The following SEMA6D variants were observed in gnomAD, a reference collection of about 807,000 sequenced individuals.
SEMA6D encodes semaphorin 6D, also known as semaphorin-6D.
Under a neutral mutation model 106.6 loss-of-function variants are expected in SEMA6D, and 35 were observed. The ratio of observed to expected loss-of-function variants is 0.33; its 90% CI spans 0.25 to 0.44. The LOEUF is 0.44. Among genes scored for constraint, SEMA6D ranks in the 20% least tolerant of loss-of-function variants. SEMA6D has a pLI of 1.00. For missense variants in SEMA6D, 1,185 were observed against 1,345.9 expected (o/e 0.88, Z 1.87); for synonymous variants, 499 against 487.7 (o/e 1.02, Z -0.31).
Position 47,461,910 on chromosome 15 carries a change from C to T in SEMA6D, c.-158-8564C>T, listed in dbSNP as rs1321814572. ...GAACAATGTTACCTCCCAGTGTGCC[C>T]AGGTCCAAGTCAATGCATACCAAGG... On this transcript the variant is annotated intron_variant, in intron 2 of 19. Transcript: ENST00000558014. Among the ~76,000 whole-genome samples the T allele has an allele frequency of 3.3e-5, 5 of 152,110 alleles. 1 individual carries two copies. Among genetic ancestry groups the T allele is most frequent in the Non-Finnish European group, 5.9e-5 (4 of 67,982 alleles).
At chr15:47,586,525 G>T (rs2076343159) in intron 3 of SEMA6D, among the ~76,000 whole-genome samples, 2 of 152,202 alleles carry the variant, frequency 1.3e-5, no homozygotes, top group East Asian at 1.9e-4. Flanking sequence ...GACCAAATAT[G>T]GTCCTCTCTT....
chr15:47,549,478 T>G lies in SEMA6D; in HGVS notation c.-86-51387T>G, dbSNP rs2045618849. Among the ~76,000 whole-genome samples the G allele has an allele frequency of 3.3e-5, 5 of 152,170 alleles. No individual in the cohort carries two copies. In the South Asian group the frequency reaches 1.0e-3, roughly 32 times the overall value. ...CTGCTCTCAGGGCACGAAGCCACTG[T>G]ATAGTGAGCCTGTGGTGACTACAGT... On this transcript the variant is annotated intron_variant, in intron 3 of 19. Coordinates refer to the SEMA6D transcript ENST00000558014.
chr15:47,316,547 G>A (rs1383473640), intron 1 of SEMA6D, among the ~76,000 whole-genome samples: 1 of 151,354 alleles, frequency 6.6e-6, no homozygotes, highest in Non-Finnish European at 1.5e-5. Flanking sequence ...TTTTTGGGGG[G>A]GGTTTTGTAG....
intron 4 of SEMA6D, among the ~76,000 whole-genome samples, chr15:47,685,774 C>A (rs1432290575): frequency 1.3e-5 from 2 of 152,122 alleles, no homozygotes; most frequent in Non-Finnish European, 2.9e-5. Context: ...CTAGAGCTAA[C>A]CATATGAGGA....
intron 1 of SEMA6D, among the ~76,000 whole-genome samples, chr15:47,341,524 G>A (rs534452811): frequency 1.3e-5 from 2 of 152,300 alleles, no homozygotes; most frequent in Non-Finnish European, 2.9e-5. Context: ...GCAATTGTAT[G>A]ATTGTGGACA....
intron 4 of SEMA6D, among the ~76,000 whole-genome samples, chr15:47,677,277 G>C (rs984912101): frequency 1.3e-5 from 2 of 152,160 alleles, no homozygotes. Flanking sequence ...TTATAGGCTG[G>C]GAGCTCAGCT....
intron 1 of SEMA6D, among the ~76,000 whole-genome samples, chr15:47,755,242 C>T (rs1039992846): frequency 4.2e-4 from 64 of 152,054 alleles, no homozygotes; most frequent in Non-Finnish European, 9.0e-4. Flanking sequence ...CCATGCCCAG[C>T]CTTGTTGTTG....
At chr15:47,703,797 G>A (rs2078861767) in intron 4 of SEMA6D, among the ~76,000 whole-genome samples, 1 of 152,106 alleles carries the variant, frequency 6.6e-6, no homozygotes, top group Admixed American at 6.5e-5. Context: ...GGGGAGATAG[G>A]GAGGTTTAAC....
At chr15:47,617,408 A>G (rs1353792653) in intron 4 of SEMA6D, among the ~76,000 whole-genome samples, 1 of 152,180 alleles carries the variant, frequency 6.6e-6, no homozygotes, top group East Asian at 1.9e-4. Context: ...CAACCTCTTC[A>G]TGGCCTCTTT....
intron 1 of SEMA6D, among the ~76,000 whole-genome samples, chr15:47,281,720 A>G (rs34112159): frequency 0.37 from 55,678 of 151,930 alleles, 10,583 homozygotes; most frequent in Middle Eastern, 0.51. Context: ...TAATGTTAAC[A>G]TAAATTTTAT....
chr15:47,253,408 G>T (rs1351496624), intron 1 of SEMA6D, among the ~76,000 whole-genome samples: 3 of 151,970 alleles, frequency 2.0e-5, no homozygotes, highest in East Asian at 3.9e-4. Flanking sequence ...GTGCTTTTGT[G>T]GTTCTATTCA....
At chr15:47,552,709 CTG>C (rs2045742137) in intron 3 of SEMA6D, among the ~76,000 whole-genome samples, 1 of 138,000 alleles carries the variant, frequency 7.2e-6, no homozygotes, top group African/African-American at 2.7e-5. Context: ...AGAATTATGA[CTG>C]AGACATTTCA....
chr15:47,760,868 C>A, intron 3 of SEMA6D, 110 bp from the exon 4 acceptor site: 5 of 953,156 alleles, frequency 5.2e-6, no homozygotes, highest in Non-Finnish European at 7.8e-6. Context: ...CAGAGAAAAT[C>A]CAGATGATCT....
At position 47,768,616 on chromosome 15, in the gene SEMA6D, G is replaced by A. The variant is rs764064628; in HGVS notation, c.1801G>A (p.Ala601Thr). Residue 601 changes from alanine (A) to threonine (T), a missense_variant, in exon 18 of 19, where the codon GCA becomes ACA. Ala to Thr is a moderately conservative substitution (Grantham distance 58). This residue lies in a region of SEMA6D where 750 missense variants were observed against 783.5 expected (regional missense o/e 0.96). Coordinates refer to ENST00000536845, the MANE Select transcript of SEMA6D (RefSeq NM_001358351.3). ...ATCTTCATCTTCTGTTACCACAATG[G>A]CAAGTATCCCAGAAATCACACCTAA... ...EVSSSSVTTM[A>T]SIPEITPKVI... 1 of 1,612,754 alleles carries A rather than the reference G, an allele frequency of 6.2e-7. No individual in the cohort carries two copies. Among genetic ancestry groups the A allele is most frequent in the Non-Finnish European group, 8.5e-7 (1 of 1,179,192 alleles).
intron 3 of SEMA6D, among the ~76,000 whole-genome samples, chr15:47,495,262 T>C (rs977178126): frequency 7.2e-4 from 110 of 152,166 alleles, no homozygotes; most frequent in African/African-American, 2.6e-3. Flanking sequence ...CTATATTTTT[T>C]TTTTAGAAAA....
intron 1 of SEMA6D, among the ~76,000 whole-genome samples, chr15:47,297,375 C>T (rs16959203): frequency 3.9e-5 from 6 of 152,080 alleles, no homozygotes; most frequent in South Asian, 4.1e-4. Flanking sequence ...ATTTAGCACT[C>T]GTCAGTTTGT....
intron 1 of SEMA6D, among the ~76,000 whole-genome samples, chr15:47,411,783 C>T (rs1003934346): frequency 1.3e-5 from 2 of 152,048 alleles, no homozygotes; most frequent in African/African-American, 2.4e-5. Context: ...TGGCCACTTC[C>T]GGGTTCAGAT....
intron 1 of SEMA6D, among the ~76,000 whole-genome samples, chr15:47,219,694 T>G (rs1052605483): frequency 6.6e-6 from 1 of 152,240 alleles, no homozygotes; most frequent in Non-Finnish European, 1.5e-5. Flanking sequence ...TATTCTGTAC[T>G]TTATCAATTA....
At chr15:47,488,963 C>T (rs75167785) in intron 3 of SEMA6D, among the ~76,000 whole-genome samples, 4,081 of 152,060 alleles carry the variant, frequency 0.027, 186 homozygotes, top group African/African-American at 0.094. Context: ...AACTGTGGGT[C>T]CCAAGAAGAT....
Sources: gnomAD v4.1 joint callset for allele counts (sites outside exome capture counted in the v4.1 genomes callset) on GRCh38, gnomAD v4.1.1 for gene constraint, gnomAD v4.1.1 regional missense constraint, MANE v1.5 for transcripts, NCBI Gene and HGNC (gene_info 2026-07-23, HGNC 2026-07-21) for gene names.